The following FHOD1 variants were observed in gnomAD, a reference collection of about 807,000 sequenced individuals.
FHOD1 encodes the protein FH1/FH2 domain-containing protein 1.
Under a neutral mutation model 111.6 loss-of-function variants are expected in FHOD1, and 89 were observed. The ratio of observed to expected loss-of-function variants is 0.80; its 90% CI spans 0.67 to 0.95. The LOEUF (loss-of-function observed/expected upper bound fraction) is 0.95. FHOD1 is among the 40% of genes least tolerant of loss of function. The pLI is 0.00. For missense variants in FHOD1, 1,446 were observed against 1,554.2 expected (o/e 0.93, Z 1.17); for synonymous variants, 618 against 639.0 (o/e 0.97, Z 0.50).
At chr16:67,243,453 A>G (rs1054303541) in intron 1 of FHOD1, among the ~76,000 whole-genome samples, 2 of 151,890 alleles carry the variant, frequency 1.3e-5, no homozygotes, top group African/African-American at 4.8e-5. Flanking sequence ...GCCTCAAGCA[A>G]TCCTCTGGCC....
chr16:67,245,880 C>T (rs2034802859), intron 1 of FHOD1, among the ~76,000 whole-genome samples: 1 of 152,178 alleles, frequency 6.6e-6, no homozygotes, highest in Admixed American at 6.5e-5. Context: ...GAAGCGGGAA[C>T]CAGTCTTAGT....
chr16:67,234,758 T>G (rs1026409233), intron 11 of FHOD1: 23 of 372,208 alleles, frequency 6.2e-5, no homozygotes, highest in Non-Finnish European at 8.4e-5. Context: ...ACTGTCCTGG[T>G]TTTTTTTTGG....
Position 67,247,451 on chromosome 16 carries a change from G to A in FHOD1, c.-41C>T. 2 of 1,597,734 alleles carry A rather than the reference G, an allele frequency of 1.3e-6. No individual in the cohort carries two copies. Among genetic ancestry groups the A allele is most frequent in the Non-Finnish European group, 1.7e-6 (2 of 1,170,844 alleles). On this transcript the variant is annotated 5_prime_UTR_variant, in exon 1 of 22. Transcript: ENST00000258201. ...TCACGCAGCGCGCCTCCGAGTCCCG[G>A]CCCCAGTGCAGCTTCTACTCAAAGC...
At position 67,229,925 on chromosome 16, in the gene FHOD1, GTTC is replaced by G. The variant is rs1162338879; in HGVS notation, c.3277_3279del (p.Glu1093del). On this transcript the variant is annotated inframe_deletion, in exon 21 of 22. Transcript: ENST00000258201. ...TCACTGGGTAAACTGGAGCCTGGGG[GTTC>G]TTCTGGGGATGCAGTGGAGGGCCCC... 4 of 1,614,120 alleles carry G rather than the reference GTTC, an allele frequency of 2.5e-6. No homozygotes were observed. Among genetic ancestry groups the G allele is most frequent in the Non-Finnish European group, 3.4e-6 (4 of 1,180,040 alleles).
rs150542344 is a variant in FHOD1 at position 67,241,416 on chromosome 16, C to G, written c.202-1962G>C. 2.8e-4 allele frequency among the ~76,000 whole-genome samples: 43 copies of G among 152,322 alleles called. No homozygotes were observed. The East Asian group carries it at 8.3e-3, about 29-fold the overall frequency. On this transcript the variant is annotated intron_variant, in intron 1 of 21. Transcript: ENST00000258201. The stretch of plus-strand genomic sequence containing the variant: ...ACTCAGCAGCCTACCACCCCACCCC[C>G]ATTCAGGCACAGCCGCATCTCCCTC...
chr16:67,247,144 CCA>C (rs1269906229), intron 1 of FHOD1, 64 bp downstream of exon 1: 9 of 1,443,022 alleles, frequency 6.2e-6, no homozygotes, highest in Non-Finnish European at 8.2e-6. Context: ...GGAGCACCTC[CCA>C]CCAGTTTTCA....
Position 67,230,443 on chromosome 16 carries a change from C to T in FHOD1, c.2922G>A (p.Met974Ile), listed in dbSNP as rs1307321947. Residue 974 changes from methionine (M) to isoleucine (I), a missense_variant, in exon 19 of 22, where the codon ATG becomes ATA. Physicochemically the swap from Met to Ile is conservative, Grantham distance 10 (BLOSUM62 1). This residue lies in a region of FHOD1 where 1,085 missense variants were observed against 1,108.8 expected (regional missense o/e 0.98). Transcript: ENST00000258201. ...ATTCCCGCAGCGTGTGGCAGAACTGCATGATGCGCACTTCACGGGCCGCCT... is the reference window on the plus strand; with the variant it reads ...ATTCCCGCAGCGTGTGGCAGAACTGTATGATGCGCACTTCACGGGCCGCCT... ...TPQAAREVRI[M>I]QFCHTLREFA... 1 of 1,614,126 alleles carries T rather than the reference C, an allele frequency of 6.2e-7. No homozygotes were observed. Among genetic ancestry groups the T allele is most frequent in the African/African-American group, 1.3e-5 (1 of 74,950 alleles).
Position 67,230,687 on chromosome 16 carries a change from G to T in FHOD1, c.2772C>A (p.Ala924=). ...RSLAKHELAP[A]LRARLTHFLD... is the part of the protein sequence containing the mutation. ...GGAAGTGGGTGAGGCGGGCACGCAG[G>T]GCTGGGGCCAGCTCATGCTTGGCCA... Residue 924 remains alanine, a synonymous_variant, in exon 18 of 22, where the codon GCC becomes GCA. Coordinates refer to ENST00000258201, the MANE Select transcript of FHOD1 (RefSeq NM_013241.3). 6.2e-7 allele frequency: 1 copy of T among 1,613,982 alleles called. No homozygotes were observed. The highest frequency in any genetic ancestry group is 8.5e-7 in the Non-Finnish European group (1 of 1,179,998).
At chr16:67,242,041 T>C (rs965280392) in intron 1 of FHOD1, among the ~76,000 whole-genome samples, 1 of 152,090 alleles carries the variant, frequency 6.6e-6, no homozygotes, top group Non-Finnish European at 1.5e-5. Flanking sequence ...CAGTCTTGGC[T>C]CACTGCAACC....
Position 67,229,462 on chromosome 16 carries a change from G to GCA in FHOD1, c.*172_*173dup, listed in dbSNP as rs925434040. 6.9e-5 allele frequency: 44 copies of GCA among 635,204 alleles called. No individual in the cohort carries two copies. Among genetic ancestry groups the GCA allele is most frequent in the South Asian group, 2.2e-4 (12 of 53,420 alleles). 39.3% of individuals were successfully genotyped at this position (635,204 alleles called of 1,614,324 possible). On this transcript the variant is annotated 3_prime_UTR_variant, in exon 22 of 22. Coordinates refer to ENST00000258201, the MANE Select transcript of FHOD1 (RefSeq NM_013241.3). ...CACACACATGCACATGCATATGCAT[G>GCA]CACACACACACATACACACACACTC...
In FHOD1 at chr16:67,232,171, T is replaced by C; in HGVS notation, c.2070A>G (p.Thr690=). 6.2e-7 allele frequency: 1 copy of C among 1,614,154 alleles called. No homozygotes were observed. The highest frequency in any genetic ancestry group is 8.5e-7 in the Non-Finnish European group (1 of 1,180,024). ...GCTTGGGGTCCAGCACTGTGGTCAT[T>C]GTCCGGCGGCCCTCTCCAGCTTTCT... ...PSKKAGEGRR[T]MTTVLDPKRS... Residue 690 remains threonine (T), a synonymous_variant, in exon 14 of 22, where the codon ACA becomes ACG. Coordinates refer to ENST00000258201, the MANE Select transcript of FHOD1 (RefSeq NM_013241.3).
At chr16:67,242,601 C>A (rs1013872607) in intron 1 of FHOD1, among the ~76,000 whole-genome samples, 2 of 152,228 alleles carry the variant, frequency 1.3e-5, no homozygotes, top group Non-Finnish European at 2.9e-5. Context: ...AAACCCTGGT[C>A]CTTGCTGACG....
Position 67,237,892 on chromosome 16 carries a change from C to T in FHOD1, c.643-124G>A. On this transcript the variant is annotated intron_variant, in intron 6 of 21. Transcript: ENST00000258201. The surrounding 1 kb of genome is among the most constrained non-coding windows in gnomAD (Gnocchi z 5.6). ...GAATCTAGGCAGAATGACCCTGGCC[C>T]CAGGCCCAGGCACTGAAGTGCCTTA... is the stretch of plus-strand genomic sequence containing the variant. The T allele has an allele frequency of 3.1e-6, 4 of 1,306,040 alleles. No individual in the cohort carries two copies. The highest frequency in any genetic ancestry group is 2.3e-5 in the East Asian group (1 of 43,142). 80.9% of individuals were successfully genotyped at this position (1,306,040 alleles called of 1,614,324 possible).
intron 1 of FHOD1, among the ~76,000 whole-genome samples, chr16:67,243,109 A>G (rs2034713447): frequency 6.6e-6 from 1 of 152,130 alleles, no homozygotes; most frequent in Non-Finnish European, 1.5e-5. Context: ...AACATACCAG[A>G]GCAGGGTACA....
chr16:67,230,886 C>T, intron 17 of FHOD1, 95 bp from the exon 18 acceptor site: 1 of 1,324,324 alleles, frequency 7.6e-7, no homozygotes, highest in Non-Finnish European at 1.0e-6. Flanking sequence ...CCAGCTTGGG[C>T]CCTAAGGACA....
At position 67,242,303 on chromosome 16, in the gene FHOD1, C is replaced by A. The variant is rs555355466; in HGVS notation, c.202-2849G>T. 3.9e-5 allele frequency among the ~76,000 whole-genome samples: 6 copies of A among 152,306 alleles called. No individual in the cohort carries two copies. The South Asian group carries it at 1.2e-3, about 32-fold the overall frequency. On this transcript the variant is annotated intron_variant, in intron 1 of 21. Coordinates refer to ENST00000258201, the MANE Select transcript of FHOD1 (RefSeq NM_013241.3). ...CATTCTCTAGCCTCCTCAGCCACTT[C>A]ACCTGTCCAATCCTGCCAGGGCCCC...
chr16:67,230,509 AG>A lies in FHOD1; in HGVS notation c.2859-4del. 6.2e-7 allele frequency: 1 copy of A among 1,614,168 alleles called. No individual in the cohort carries two copies. On this transcript the variant is annotated splice_region_variant and splice_polypyrimidine_tract_variant and intron_variant, in intron 18 of 21. Transcript: ENST00000258201. ...GGTAGAGCAGGAAGGCATGGAACCT[AG>A]GCAGGTCAGAGTAGGGAGGGACAGT...
intron 13 of FHOD1, among the ~76,000 whole-genome samples, chr16:67,232,786 G>C (rs2034328128): frequency 6.6e-6 from 1 of 151,702 alleles, no homozygotes; most frequent in East Asian, 1.9e-4. Context: ...AAGTAGCTGG[G>C]ATTACAGGCG....
rs773047427 is a variant in FHOD1 at position 67,233,710 on chromosome 16, C to T, written c.1993G>A (p.Ala665Thr). Residue 665 changes from alanine (A) to threonine (T), a missense_variant, in exon 13 of 22, where the codon GCC becomes ACC. By Grantham distance (58) the Ala-to-Thr change is moderately conservative (BLOSUM62 0). Around this residue, in one of 3 missense-constraint regions of FHOD1, gnomAD observed 1,085 missense variants for 1,108.8 expected, o/e 0.98. Transcript: ENST00000258201. Reference sequence around the variant, plus strand: ...GACTCAAAGAGGTGTTCCAGTCGGGCCGTGTCCACTGAGACAGGGTCCAGT... The same window carrying T: ...GACTCAAAGAGGTGTTCCAGTCGGGTCGTGTCCACTGAGACAGGGTCCAGT... ...ASLDPVSVDT[A>T]RLEHLFESRA... 6 of 1,611,156 alleles carry T rather than the reference C, an allele frequency of 3.7e-6. No homozygotes were observed. The highest frequency in any genetic ancestry group is 5.1e-6 in the Non-Finnish European group (6 of 1,177,720).
Sources: gnomAD v4.1 joint callset for allele counts (sites outside exome capture counted in the v4.1 genomes callset) on GRCh38, gnomAD v4.1.1 for gene constraint, gnomAD v4.1.1 regional missense constraint, Gnocchi (gnomAD v3.1) non-coding constraint, MANE v1.5 for transcripts, NCBI Gene and HGNC (gene_info 2026-07-23, HGNC 2026-07-21) for gene names.